TRPS1: variants seen among roughly 807,000 people sequenced by gnomAD.
The protein encoded by TRPS1 is zinc finger transcription factor Trps1.
Under a neutral mutation model 101.2 loss-of-function variants are expected in TRPS1, and 6 were observed. The ratio of observed to expected loss-of-function variants is 0.06; its 90% CI spans 0.03 to 0.12. The LOEUF (loss-of-function observed/expected upper bound fraction) is 0.12, where lower values mean the gene tolerates loss of function less well. TRPS1 is among the 10% of genes least tolerant of loss of function. The pLI is 1.00. For synonymous variants in TRPS1, 578 were observed against 589.8 expected (o/e 0.98, Z 0.29); for missense variants, 1,363 against 1,567.0 (o/e 0.87, Z 2.20).
intron 1 of TRPS1, among the ~76,000 whole-genome samples, chr8:115,664,149 T>C (rs1279195880): frequency 6.6e-6 from 1 of 152,156 alleles, no homozygotes; most frequent in African/African-American, 2.4e-5. Flanking sequence ...TCTGCAGCAC[T>C]GTTTGCTATA....
chr8:115,647,303 G>A (rs1811434397), intron 1 of TRPS1, among the ~76,000 whole-genome samples: 1 of 152,038 alleles, frequency 6.6e-6, no homozygotes, highest in African/African-American at 2.4e-5. Context: ...TTAATACAGA[G>A]GGTATAAAAA....
intron 5 of TRPS1, among the ~76,000 whole-genome samples, chr8:115,568,628 A>T (rs1003312678): frequency 3.9e-5 from 6 of 152,052 alleles, no homozygotes; most frequent in Admixed American, 1.3e-4. Context: ...ATATCAGAAA[A>T]TTTTTTTCCA....
At chr8:115,501,269 T>C (rs1052848880) in intron 5 of TRPS1, among the ~76,000 whole-genome samples, 1 of 152,202 alleles carries the variant, frequency 6.6e-6, no homozygotes, top group Non-Finnish European at 1.5e-5. Flanking sequence ...GCAGGCCCAG[T>C]GAACATGTTC....
intron 5 of TRPS1, among the ~76,000 whole-genome samples, chr8:115,519,898 A>G (rs910125586): frequency 1.3e-5 from 2 of 151,788 alleles, no homozygotes; most frequent in African/African-American, 2.4e-5. Flanking sequence ...AAAATAATCT[A>G]GAATATGCTT....
intron 4 of TRPS1, among the ~76,000 whole-genome samples, chr8:115,598,474 T>C (rs1365129434): frequency 1.3e-5 from 2 of 152,010 alleles, no homozygotes; most frequent in Non-Finnish European, 2.9e-5. Context: ...ACTCAGATCA[T>C]GTTTTTATTT....
intron 5 of TRPS1, among the ~76,000 whole-genome samples, chr8:115,550,418 C>G (rs1208586360): frequency 6.6e-6 from 1 of 152,148 alleles, no homozygotes; most frequent in Non-Finnish European, 1.5e-5. Context: ...GTCACTCAAC[C>G]TCTCTGAAGT....
chr8:115,559,099 A>C (rs1480961727), intron 5 of TRPS1, among the ~76,000 whole-genome samples: 1 of 152,170 alleles, frequency 6.6e-6, no homozygotes, highest in Non-Finnish European at 1.5e-5. Flanking sequence ...ATGTTACTGC[A>C]TCAGCATTAC....
At chr8:115,546,315 G>A (rs1009648774) in intron 5 of TRPS1, among the ~76,000 whole-genome samples, 2 of 151,804 alleles carry the variant, frequency 1.3e-5, no homozygotes, top group Non-Finnish European at 2.9e-5. Flanking sequence ...GCTAAAAAAT[G>A]CTAAATAAAC....
chr8:115,628,645 T>A (rs1179707289), intron 1 of TRPS1, among the ~76,000 whole-genome samples: 1 of 151,858 alleles, frequency 6.6e-6, no homozygotes, highest in African/African-American at 2.4e-5. Flanking sequence ...TGGAGTTGGA[T>A]AAGTAACAGG....
At chr8:115,478,917 ATGTATATATG>A (rs1383641858) in intron 5 of TRPS1, among the ~76,000 whole-genome samples, 1 of 148,852 alleles carries the variant, frequency 6.7e-6, no homozygotes, top group Admixed American at 6.7e-5. Flanking sequence ...AAATGTATAT[ATGTATATATG>A]TGTATATATG....
At chr8:115,531,970 G>A (rs1324869043) in intron 5 of TRPS1, among the ~76,000 whole-genome samples, 1 of 152,086 alleles carries the variant, frequency 6.6e-6, no homozygotes, top group Non-Finnish European at 1.5e-5. Context: ...GTATGGGGCT[G>A]TTGCCATGAG....
chr8:115,499,784 G>T (rs1367392297), intron 5 of TRPS1, among the ~76,000 whole-genome samples: 1 of 152,140 alleles, frequency 6.6e-6, no homozygotes, highest in Non-Finnish European at 1.5e-5. Flanking sequence ...GGAATTACTG[G>T]ATTTGTTTGC....
Position 115,517,054 on chromosome 8 carries a change from A to T in TRPS1, c.2700+69947T>A, listed in dbSNP as rs546537431. Among the ~76,000 whole-genome samples, 174 of 151,694 alleles carry T rather than the reference A, an allele frequency of 1.1e-3. 1 individual carries two copies. The highest frequency in any genetic ancestry group is 6.8e-3 in the Middle Eastern group (2 of 294). ...TATATACATTGCTAATGCAAGAAGT[A>T]ATCTGGGGCAATTTCTTGCTTTTTA... On this transcript the variant is annotated intron_variant, in intron 5 of 6. Transcript: ENST00000395715.
At chr8:115,661,380 G>A (rs942789539) in intron 1 of TRPS1, among the ~76,000 whole-genome samples, 2 of 151,764 alleles carry the variant, frequency 1.3e-5, no homozygotes, top group African/African-American at 2.4e-5. Context: ...AAGTATTATC[G>A]GTCTACATAC....
intron 5 of TRPS1, among the ~76,000 whole-genome samples, chr8:115,578,433 T>A (rs1165142722): frequency 1.3e-5 from 2 of 152,080 alleles, no homozygotes; most frequent in African/African-American, 4.8e-5. Flanking sequence ...GATAAAGCAA[T>A]AGAATAATAT....
rs1199057960 is a variant in TRPS1 at position 115,619,972 on chromosome 8, C to G, written c.126G>C (p.Lys42Asn). 1.9e-6 allele frequency: 3 copies of G among 1,613,962 alleles called. No homozygotes were observed. Among genetic ancestry groups the G allele is most frequent in the Non-Finnish European group, 2.5e-6 (3 of 1,180,032 alleles). Reference sequence around the variant, plus strand: ...AAAATTCTTTGTTCTTTCCAGATACCTTGCTTTCTGTACCTATAGGCTCCA... The same window carrying G: ...AAAATTCTTTGTTCTTTCCAGATACGTTGCTTTCTGTACCTATAGGCTCCA... Reference protein sequence around the residue: ...QILEPIGTESKVSGKNKEFSA... With the variant: ...QILEPIGTESNVSGKNKEFSA... Residue 42 changes from lysine to asparagine, a missense_variant, in exon 3 of 7, where the codon AAG becomes AAC. Coordinates refer to ENST00000395715, the MANE Select transcript of TRPS1 (RefSeq NM_014112.5).
chr8:115,532,118 A>T (rs562898467), intron 5 of TRPS1, among the ~76,000 whole-genome samples: 1 of 152,338 alleles, frequency 6.6e-6, no homozygotes, highest in Non-Finnish European at 1.5e-5. Context: ...AACGATATAC[A>T]GATTAGATAA....
chr8:115,650,339 G>A (rs1179535063), intron 1 of TRPS1, among the ~76,000 whole-genome samples: 1 of 152,174 alleles, frequency 6.6e-6, no homozygotes, highest in African/African-American at 2.4e-5. Context: ...GGAAGCTTTG[G>A]AATGTTTTGT....
At position 115,455,775 on chromosome 8, in the gene TRPS1, C is replaced by CT. The variant is rs386413741; in HGVS notation, c.2701-37324dup. ...TTTCTTTTTCTTTCTTTCTTTCTTTCTTTTTTTTTTTTTTTTTGAGACAGA... is the reference window on the plus strand; with the variant it reads ...TTTCTTTTTCTTTCTTTCTTTCTTTCTTTTTTTTTTTTTTTTTTGAGACAGA... On this transcript the variant is annotated intron_variant, in intron 5 of 6. Coordinates refer to ENST00000395715, the MANE Select transcript of TRPS1 (RefSeq NM_014112.5). Among the ~76,000 whole-genome samples the CT allele has an allele frequency of 4.8e-3, 574 of 119,970 alleles. 1 individual carries two copies. The highest frequency in any genetic ancestry group is 0.014 in the South Asian group (55 of 3,912). 78.7% of individuals were successfully genotyped at this position (119,970 alleles called of 152,430 possible).
Sources: gnomAD v4.1 joint callset for allele counts (sites outside exome capture counted in the v4.1 genomes callset) on GRCh38, gnomAD v4.1.1 for gene constraint, MANE v1.5 for transcripts, NCBI Gene and HGNC (gene_info 2026-07-23, HGNC 2026-07-21) for gene names.